MAP4K3: variants seen among roughly 807,000 people sequenced by gnomAD.
MAP4K3 encodes mitogen-activated protein kinase kinase kinase kinase 3.
A neutral mutation model predicts 143.5 loss-of-function variants in MAP4K3; 94 were observed. That is an observed-to-expected ratio of 0.65 (90% CI 0.55 to 0.78). The LOEUF is 0.78. MAP4K3 is among the 30% of genes least tolerant of loss of function. The pLI, the probability that MAP4K3 is intolerant of heterozygous loss-of-function variation, is 0.00. For missense variants in MAP4K3, 1,077 were observed against 1,068.1 expected, an observed-to-expected ratio of 1.01 and a Z score of -0.12; for synonymous variants, 416 against 347.2, an observed-to-expected ratio of 1.20 and a Z score of -2.20.
intron 20 of MAP4K3, among the ~76,000 whole-genome samples, chr2:39,287,542 A>G (rs1475787097): frequency 6.6e-6 from 1 of 151,944 alleles, no homozygotes; most frequent in African/African-American, 2.4e-5. Context: ...ACCTCAGGTG[A>G]TCCACCTGCC....
At chr2:39,381,776 C>T (rs1376544141) in intron 1 of MAP4K3, among the ~76,000 whole-genome samples, 1 of 152,224 alleles carries the variant, frequency 6.6e-6, no homozygotes, top group Non-Finnish European at 1.5e-5. Flanking sequence ...ACTTTATCCT[C>T]TGGCCAAACT....
At position 39,290,299 on chromosome 2, in the gene MAP4K3, G is replaced by GGC; in HGVS notation, c.1305_1306dup (p.Pro436ArgfsTer57). The GGC allele has an allele frequency of 6.2e-7, 1 of 1,606,424 alleles. No homozygotes were observed. The highest frequency in any genetic ancestry group is 8.5e-7 in the Non-Finnish European group (1 of 1,176,504). ...AAAAATAAATCTGTCTACCTTTGGTGGCAAAGGAGGTGGAATTTTTGCTTT... is the reference window on the plus strand; with the variant it reads ...AAAAATAAATCTGTCTACCTTTGGTGGCGCAAAGGAGGTGGAATTTTTGCTTT... On this transcript the variant is annotated frameshift_variant, in exon 19 of 34. Coordinates refer to ENST00000263881, the MANE Select transcript of MAP4K3 (RefSeq NM_003618.4). LOFTEE classifies it high-confidence loss of function.
intron 2 of MAP4K3, among the ~76,000 whole-genome samples, chr2:39,371,512 A>C (rs1478198318): frequency 6.6e-6 from 1 of 152,204 alleles, no homozygotes; most frequent in Non-Finnish European, 1.5e-5. Flanking sequence ...AATCTGATAT[A>C]CACAATGCTC....
intron 4 of MAP4K3, among the ~76,000 whole-genome samples, chr2:39,342,983 G>C (rs530880091): frequency 3.3e-5 from 5 of 152,128 alleles, no homozygotes; most frequent in Non-Finnish European, 7.4e-5. Flanking sequence ...GAATCTGGCA[G>C]TATCTAAGAG....
chr2:39,337,482 T>G, intron 5 of MAP4K3, 44 bp downstream of exon 5: 1 of 1,437,674 alleles, frequency 7.0e-7, no homozygotes, highest in South Asian at 1.2e-5. Flanking sequence ...AGTAAAGCCT[T>G]AGTTTAATGA....
At chr2:39,408,285 T>A (rs1667148328) in intron 1 of MAP4K3, among the ~76,000 whole-genome samples, 1 of 152,150 alleles carries the variant, frequency 6.6e-6, no homozygotes, top group South Asian at 2.1e-4. Context: ...GCCACCCAGA[T>A]CCCAGGAGTT....
Position 39,421,618 on chromosome 2 carries a change from C to T in MAP4K3, c.96+15274G>A, listed in dbSNP as rs865853652. Among the ~76,000 whole-genome samples, 17 of 152,050 alleles carry T rather than the reference C, an allele frequency of 1.1e-4. No homozygotes were observed. In the East Asian group the frequency reaches 3.3e-3, roughly 29 times the overall value. ...GTGAAGAGAATTAAAATGAGAATAC[C>T]TATAAAGCACTTAAATAAAATAAGG... On this transcript the variant is annotated intron_variant, in intron 1 of 33. Transcript: ENST00000263881.
intron 3 of MAP4K3, among the ~76,000 whole-genome samples, chr2:39,351,549 A>T (rs1047702380): frequency 6.6e-6 from 1 of 152,246 alleles, no homozygotes; most frequent in Admixed American, 6.5e-5. Flanking sequence ...TCAACACTGC[A>T]CTCTACATGC....
At chr2:39,278,910 A>C (rs1423000667) in intron 23 of MAP4K3, among the ~76,000 whole-genome samples, 5 of 152,210 alleles carry the variant, frequency 3.3e-5, no homozygotes, top group Non-Finnish European at 7.3e-5. Flanking sequence ...AAGTACTCTA[A>C]TTTAAAAAAC....
chr2:39,280,226 G>T, intron 23 of MAP4K3, 46 bp downstream of exon 23: 2 of 1,147,262 alleles, frequency 1.7e-6, no homozygotes, highest in Non-Finnish European at 2.4e-6. Flanking sequence ...CATGGCCCCA[G>T]TTTTAAAAAA....
At chr2:39,279,511 T>C (rs1274180578) in intron 23 of MAP4K3, among the ~76,000 whole-genome samples, 1 of 152,196 alleles carries the variant, frequency 6.6e-6, no homozygotes, top group African/African-American at 2.4e-5. Context: ...GAATCAGATA[T>C]ACAGTGAGAG....
In MAP4K3 at chr2:39,257,096, C is replaced by A. The variant is rs1022763984; in HGVS notation, c.2470+1252G>T. ...AGTTGGGAGAATGTAGAAAACAGAA[C>A]CAGGAATAAGACAATGAACTAACTG... On this transcript the variant is annotated intron_variant, in intron 31 of 33. Transcript: ENST00000263881. Among the ~76,000 whole-genome samples, 5 of 152,164 alleles carry A rather than the reference C, an allele frequency of 3.3e-5. No individual in the cohort carries two copies. In the South Asian group the frequency reaches 1.0e-3, roughly 32 times the overall value.
chr2:39,392,040 G>A (rs905604561), intron 1 of MAP4K3, among the ~76,000 whole-genome samples: 3 of 151,934 alleles, frequency 2.0e-5, no homozygotes, highest in Non-Finnish European at 4.4e-5. Context: ...AATTAGCTGG[G>A]CATGGTAGGT....
chr2:39,425,876 A>G (rs1350200664), intron 1 of MAP4K3, among the ~76,000 whole-genome samples: 1 of 152,268 alleles, frequency 6.6e-6, no homozygotes, highest in Non-Finnish European at 1.5e-5. Flanking sequence ...CAATACATGT[A>G]GAAGAAATTA....
intron 20 of MAP4K3, among the ~76,000 whole-genome samples, chr2:39,287,297 TC>T (rs1452032725): frequency 3.7e-4 from 2 of 5,414 alleles, no homozygotes; most frequent in African/African-American, 6.3e-4. Context: ...CTTTAGTTGC[TC>T]TTTTTTTTTT....
rs892054838 is a variant in MAP4K3, at chr2:39,332,006, G to A, written c.458-17C>T. The A allele has an allele frequency of 7.7e-6, 11 of 1,422,354 alleles. No individual in the cohort carries two copies. Among genetic ancestry groups the A allele is most frequent in the Non-Finnish European group, 1.1e-5 (11 of 1,040,798 alleles). 88.1% of individuals were successfully genotyped at this position (1,422,354 alleles called of 1,614,324 possible). On this transcript the variant is annotated splice_polypyrimidine_tract_variant and intron_variant, in intron 7 of 33. Transcript: ENST00000263881. The stretch of plus-strand genomic sequence containing the variant: ...CAAAATCAGCTATTAAAAAAAATGA[G>A]AAACATTTAGGAAACTGAGAGAAAA...
At chr2:39,416,438 G>A (rs978957212) in intron 1 of MAP4K3, among the ~76,000 whole-genome samples, 2 of 152,108 alleles carry the variant, frequency 1.3e-5, no homozygotes, top group Admixed American at 1.3e-4. Flanking sequence ...AAGAGGGTGA[G>A]AACCACATGC....
chr2:39,284,111 G>T (rs1254586003), intron 21 of MAP4K3, among the ~76,000 whole-genome samples: 3 of 151,964 alleles, frequency 2.0e-5, no homozygotes, highest in Non-Finnish European at 4.4e-5. Flanking sequence ...TTATATTGAT[G>T]TTATTAAATT....
intron 2 of MAP4K3, among the ~76,000 whole-genome samples, chr2:39,373,973 G>C (rs1343312179): frequency 6.6e-6 from 1 of 152,178 alleles, no homozygotes; most frequent in African/African-American, 2.4e-5. Context: ...TGGTCTGTTT[G>C]AAACACAAAG....
Sources: allele counts gnomAD v4.1 joint callset (sites outside exome capture counted in the v4.1 genomes callset), GRCh38; gene constraint gnomAD v4.1.1; transcripts MANE v1.5; gene names NCBI Gene and HGNC (gene_info 2026-07-23, HGNC 2026-07-21).